ARID1B: variants seen among roughly 807,000 people sequenced by gnomAD.
ARID1B encodes the protein AT-rich interactive domain-containing protein 1B.
In ARID1B, 30 loss-of-function variants were observed where a neutral mutation model predicts 212.3. The ratio of observed to expected loss-of-function variants is 0.14; its 90% CI spans 0.11 to 0.19. The LOEUF is 0.19. Among genes scored for constraint, ARID1B ranks in the 10% least tolerant of loss-of-function variants. The pLI is 1.00. For missense variants in ARID1B, 2,891 were observed against 3,204.0 expected, an observed-to-expected ratio of 0.90 and a Z score of 2.36; for synonymous variants, 1,402 against 1,301.7, an observed-to-expected ratio of 1.08 and a Z score of -1.66.
chr6:157,082,153 G>C (rs73793046), intron 4 of ARID1B, among the ~76,000 whole-genome samples: 5,632 of 152,208 alleles, frequency 0.037, 348 homozygotes, highest in African/African-American at 0.13. Flanking sequence ...GTAAGTTCCT[G>C]TTCCTGTTAA....
rs558109501 is a variant in ARID1B at position 156,878,866 on chromosome 6, G to C, written c.1987-22510G>C. 7.2e-5 allele frequency among the ~76,000 whole-genome samples: 11 copies of C among 152,332 alleles called. No individual in the cohort carries two copies. In the South Asian group the frequency reaches 2.3e-3, roughly 32 times the overall value. On this transcript the variant is annotated intron_variant, in intron 2 of 19. Coordinates refer to ENST00000636930, the MANE Select transcript of ARID1B (RefSeq NM_001374828.1). ...TGGTAAGAGAATTGTCATCATCATG[G>C]GTTTGTTTGCATCGTGATTGACCAT...
In ARID1B at chr6:157,167,286, A is replaced by G. The variant is rs1360070990; in HGVS notation, c.3235+101A>G. ...CCTAAACGGCCCGAGAAGGTGGATC[A>G]GTTGGCGAAAGTGGGAATCATACTA... On this transcript the variant is annotated intron_variant, in intron 9 of 19. Coordinates refer to ENST00000636930, the MANE Select transcript of ARID1B (RefSeq NM_001374828.1). 2.8e-6 allele frequency: 4 copies of G among 1,409,306 alleles called. No individual in the cohort carries two copies. The African/African-American group carries it at 5.8e-5, about 20-fold the overall frequency. The allele number at this position is 1,409,306 out of a possible 1,614,324, so 87.3% of individuals were successfully genotyped here.
intron 2 of ARID1B, among the ~76,000 whole-genome samples, chr6:156,894,280 G>A (rs1467864022): frequency 1.3e-5 from 2 of 148,730 alleles, no homozygotes; most frequent in South Asian, 4.3e-4. Flanking sequence ...GGGTTGGGAT[G>A]GGGGCCGGGG....
intron 2 of ARID1B, among the ~76,000 whole-genome samples, chr6:156,839,849 A>G (rs149698653): frequency 3.8e-4 from 58 of 152,332 alleles, no homozygotes; most frequent in Admixed American, 1.2e-3. Context: ...AAAGCCACCA[A>G]GGTCTGGCAA....
intron 4 of ARID1B, chr6:157,023,348 G>T (rs1780448182): frequency 6.6e-6 from 1 of 152,172 alleles, no homozygotes; most frequent in African/African-American, 2.4e-5. Context: ...ATTGATGCAG[G>T]TCAGTGAATT....
intron 2 of ARID1B, among the ~76,000 whole-genome samples, chr6:156,853,113 C>T (rs1784689393): frequency 6.6e-6 from 1 of 152,200 alleles, no homozygotes; most frequent in Admixed American, 6.5e-5. Flanking sequence ...TAAAATCTTA[C>T]AGTGCTTAAG....
At chr6:157,004,897 C>CTTTTTTGTTTTTTTTTTTTTTTT (rs1562542228) in intron 4 of ARID1B, among the ~76,000 whole-genome samples, 7 of 54,740 alleles carry the variant, frequency 1.3e-4, no homozygotes, top group African/African-American at 2.2e-4. Context: ...CTTCTTTTTT[C>CTTTTTTGTTTTTTTTTTTTTTTT]TTTTTTTTTT....
At chr6:156,954,233 A>G (rs1359136689) in intron 4 of ARID1B, among the ~76,000 whole-genome samples, 2 of 151,792 alleles carry the variant, frequency 1.3e-5, no homozygotes, top group African/African-American at 4.8e-5. Flanking sequence ...GAGTGATAAT[A>G]TTGATCAAGA....
At chr6:156,987,997 A>G (rs1441037091) in intron 4 of ARID1B, among the ~76,000 whole-genome samples, 1 of 152,228 alleles carries the variant, frequency 6.6e-6, no homozygotes, top group African/African-American at 2.4e-5. Flanking sequence ...ATAATGGAAT[A>G]TCGTGGAAAT....
At chr6:156,783,174 A>T (rs1369972585) in intron 1 of ARID1B, among the ~76,000 whole-genome samples, 1 of 151,900 alleles carries the variant, frequency 6.6e-6, no homozygotes, top group Non-Finnish European at 1.5e-5. Flanking sequence ...GGCTTTTTAT[A>T]CTTGTTCCAT....
chr6:156,940,901 G>T (rs1316081182), intron 4 of ARID1B: 8 of 152,150 alleles, frequency 5.3e-5, no homozygotes, highest in African/African-American at 1.7e-4. Context: ...GAGCTGGCAG[G>T]TTTTGGCAAA....
intron 2 of ARID1B, among the ~76,000 whole-genome samples, chr6:156,884,976 G>A (rs952399710): frequency 4.1e-4 from 63 of 152,148 alleles, no homozygotes; most frequent in African/African-American, 1.4e-3. Flanking sequence ...AACTAAATAT[G>A]TCAAATGAAT....
intron 4 of ARID1B, among the ~76,000 whole-genome samples, chr6:156,956,595 G>A (rs1793996850): frequency 6.6e-6 from 1 of 152,134 alleles, no homozygotes; most frequent in South Asian, 2.1e-4. Flanking sequence ...GTGGATGACA[G>A]CTTCTTAGTC....
chr6:157,023,800 C>T (rs932861593), intron 4 of ARID1B: 10 of 152,204 alleles, frequency 6.6e-5, no homozygotes, highest in African/African-American at 2.2e-4. Context: ...TAAACTTTGC[C>T]TACCTAATAT....
chr6:157,003,899 G>C (rs1422027694), intron 4 of ARID1B, among the ~76,000 whole-genome samples: 1 of 151,890 alleles, frequency 6.6e-6, no homozygotes, highest in African/African-American at 2.4e-5. Flanking sequence ...AGAGTTCAAG[G>C]CGAGGCAAGA....
At chr6:156,776,088 G>A (rs1778609137), upstream of ARID1B, among the ~76,000 whole-genome samples, 1 of 152,152 alleles carries the variant, frequency 6.6e-6, no homozygotes, top group African/African-American at 2.4e-5. Flanking sequence ...GAAAGCTGAA[G>A]AATGAAATAA....
At chr6:157,113,141 C>A (rs1787054900) in intron 6 of ARID1B, among the ~76,000 whole-genome samples, 1 of 152,082 alleles carries the variant, frequency 6.6e-6, no homozygotes, top group Non-Finnish European at 1.5e-5. Flanking sequence ...GGCTGGTCTC[C>A]AACTCCCGAC....
chr6:156,805,116 A>G (rs182580897), intron 1 of ARID1B, among the ~76,000 whole-genome samples: 135 of 152,314 alleles, frequency 8.9e-4, no homozygotes, highest in African/African-American at 3.1e-3. Flanking sequence ...GTTTGCTTAT[A>G]CTACTCTGGC....
At chr6:157,136,552 C>A (rs1788922200) in intron 7 of ARID1B, among the ~76,000 whole-genome samples, 1 of 152,166 alleles carries the variant, frequency 6.6e-6, no homozygotes, top group Non-Finnish European at 1.5e-5. Flanking sequence ...AAGAAACAGG[C>A]ATGGAAACAT....
Sources: gnomAD v4.1 joint callset for allele counts (sites outside exome capture counted in the v4.1 genomes callset) on GRCh38, gnomAD v4.1.1 for gene constraint, MANE v1.5 for transcripts, NCBI Gene and HGNC (gene_info 2026-07-23, HGNC 2026-07-21) for gene names.